Variants in GREB1 observed in about 807,000 individuals in gnomAD.
The protein encoded by GREB1 is protein GREB1.
Under a neutral mutation model 200.7 loss-of-function variants are expected in GREB1, and 106 were observed. The observed-to-expected ratio is 0.53, with a 90% CI of 0.45 to 0.62. The LOEUF is 0.62. Among genes scored for constraint, GREB1 ranks in the 20% least tolerant of loss-of-function variants. The pLI, the probability that GREB1 is intolerant of heterozygous loss-of-function variation, is 0.00. For missense variants in GREB1, 2,243 were observed against 2,556.8 expected (o/e 0.88, Z 2.65); for synonymous variants, 1,132 against 1,092.4 (o/e 1.04, Z -0.72).
At chr2:11,630,238 G>A in intron 26 of GREB1, 129 bp downstream of exon 26, 1 of 824,990 alleles carries the variant, frequency 1.2e-6, no homozygotes, top group Non-Finnish European at 1.9e-6. Context: ...GGAGGAGGCT[G>A]GTGTCGCGCA....
chr2:11,504,007 A>C (rs1673114553), intron 1 of GREB1, among the ~76,000 whole-genome samples: 2 of 152,308 alleles, frequency 1.3e-5, no homozygotes, highest in South Asian at 4.1e-4. Context: ...TAAAGTATTA[A>C]TAATAATAAC....
In GREB1 at chr2:11,497,971, CTTTTTTTTTTT is replaced by C. The variant is rs70955803; in HGVS notation, c.-159+15621_-159+15631del. Among the ~76,000 whole-genome samples, 51 of 40,614 alleles carry C rather than the reference CTTTTTTTTTTT, an allele frequency of 1.3e-3. 1 individual carries two copies. The highest frequency in any genetic ancestry group is 3.8e-3 in the African/African-American group (42 of 11,004). 26.6% of individuals were successfully genotyped at this position (40,614 alleles called of 152,430 possible). On this transcript the variant is annotated intron_variant, in intron 1 of 2. Transcript: ENST00000628795. The stretch of plus-strand genomic sequence containing the variant: ...TAACAGGGTCTTTTGCAGAGCAAAA[CTTTTTTTTTTT>C]TTTTTTTTTTTTTTTTTTTTTTTTT...
rs58233899 is a variant in GREB1 at position 11,597,243 on chromosome 2, A to T, written c.1955-538A>T. Reference sequence around the variant, plus strand: ...ACAGGACATCTTTTAGTGTCACAGTAGACCTGATACCTAATTTAAAATTCA... The same window carrying T: ...ACAGGACATCTTTTAGTGTCACAGTTGACCTGATACCTAATTTAAAATTCA... On this transcript the variant is annotated intron_variant, in intron 13 of 32. Coordinates refer to ENST00000381486, the MANE Select transcript of GREB1 (RefSeq NM_014668.4). This position sits in a 1 kb window ranked among gnomAD's most constrained non-coding sequence, Gnocchi z 4.1. Among the ~76,000 whole-genome samples, 1 of 152,112 alleles carries T rather than the reference A, an allele frequency of 6.6e-6. No homozygotes were observed. Among genetic ancestry groups the T allele is most frequent in the South Asian group, 2.1e-4 (1 of 4,834 alleles).
intron 10 of GREB1, among the ~76,000 whole-genome samples, chr2:11,589,379 G>T (rs971584053): frequency 2.6e-5 from 4 of 152,186 alleles, no homozygotes; most frequent in African/African-American, 9.7e-5. Context: ...GCCTTGTGAT[G>T]ATCTGAGGAA....
intron 23 of GREB1, among the ~76,000 whole-genome samples, chr2:11,624,493 C>T (rs548160037): frequency 6.1e-4 from 93 of 151,910 alleles, no homozygotes; most frequent in Admixed American, 3.3e-4. Flanking sequence ...TACAGGTGCC[C>T]GCCACCATGC....
chr2:11,596,227 C>T lies in GREB1; in HGVS notation c.1942C>T (p.Pro648Ser). 4.3e-6 allele frequency: 7 copies of T among 1,613,610 alleles called. No individual in the cohort carries two copies. Among genetic ancestry groups the T allele is most frequent in the Non-Finnish European group, 5.9e-6 (7 of 1,179,698 alleles). ...AGCATCCCTGGATGTCAGTGGGACA[C>T]CGGTGTGCACAAGTGAGTGGTGAAA... ...KAASLDVSGT[P>S]VCTSYNLEPH... Residue 648 changes from proline (P) to serine (S), a missense_variant, in exon 13 of 33, where the codon CCG becomes TCG. Pro to Ser is a moderately conservative substitution (Grantham distance 74, BLOSUM62 -1). This residue lies in a region of GREB1 where 1,178 missense variants were observed against 1,387.4 expected (regional missense o/e 0.85). Coordinates refer to ENST00000381486, the MANE Select transcript of GREB1 (RefSeq NM_014668.4).
intron 1 of GREB1, among the ~76,000 whole-genome samples, chr2:11,549,969 A>G (rs1675647750): frequency 6.6e-6 from 1 of 152,202 alleles, no homozygotes; most frequent in South Asian, 2.1e-4. Flanking sequence ...CTGTAATCCC[A>G]GCACTTTGGG....
rs1483871537 is a variant in GREB1 at position 11,642,160 on chromosome 2, G to A, written c.*1706G>A. ...GACGGAGTTTCACTCTTGCTGCCCA[G>A]GCTGGAGTGCAATGGTGCAATGACC... is the stretch of plus-strand genomic sequence containing the variant. On this transcript the variant is annotated 3_prime_UTR_variant, in exon 33 of 33. Transcript: ENST00000381486. The A allele has an allele frequency of 2.6e-5, 4 of 151,928 alleles. No homozygotes were observed. The allele number at this position is 151,928 out of a possible 1,614,324, so 9.4% of individuals were successfully genotyped here.
At position 11,585,369 on chromosome 2, in the gene GREB1, C is replaced by T. The variant is rs75159545; in HGVS notation, c.1015+95C>T. On this transcript the variant is annotated intron_variant, in intron 8 of 32. Coordinates refer to ENST00000381486, the MANE Select transcript of GREB1 (RefSeq NM_014668.4). Reference sequence around the variant, plus strand: ...GTATGTGTGCGTGTGTGCGTGCGCACGAGTGTGAATGTGCGTGTGTACTGA... The same window carrying T: ...GTATGTGTGCGTGTGTGCGTGCGCATGAGTGTGAATGTGCGTGTGTACTGA... 13,287 of 743,270 alleles carry T rather than the reference C, an allele frequency of 0.018. 1,187 individuals carry two copies. The African/African-American group carries it at 0.2, about 11-fold the overall frequency. 46.0% of individuals were successfully genotyped at this position (743,270 alleles called of 1,614,324 possible).
chr2:11,506,052 C>A (rs946159166), intron 1 of GREB1, among the ~76,000 whole-genome samples: 5 of 152,136 alleles, frequency 3.3e-5, no homozygotes, highest in African/African-American at 4.8e-5. Flanking sequence ...GTATCAAAGC[C>A]TGTTGCGTTT....
intron 4 of GREB1, among the ~76,000 whole-genome samples, chr2:11,573,716 T>A (rs1250898417): frequency 1.3e-5 from 2 of 152,214 alleles, no homozygotes; most frequent in Non-Finnish European, 2.9e-5. Context: ...GTTTGCTTGC[T>A]GAGTCCCTAA....
chr2:11,535,243 C>G (rs970958902), intron 1 of GREB1, among the ~76,000 whole-genome samples: 4 of 152,188 alleles, frequency 2.6e-5, no homozygotes, highest in Admixed American at 6.5e-5. Flanking sequence ...TTGGTCCCCC[C>G]AGGTATGCAC....
At chr2:11,607,456 GTGTGTATA>G (rs1206993103) in intron 17 of GREB1, among the ~76,000 whole-genome samples, 62 of 49,484 alleles carry the variant, frequency 1.3e-3, no homozygotes, top group Non-Finnish European at 1.4e-3. Context: ...GTGTGTGTGT[GTGTGTATA>G]TATATATACA....
intron 2 of GREB1, among the ~76,000 whole-genome samples, chr2:11,558,238 G>A (rs992436507): frequency 6.6e-6 from 1 of 152,194 alleles, no homozygotes; most frequent in Admixed American, 6.5e-5. Flanking sequence ...TAGACTCAGG[G>A]CTGCCCACAG....
intron 24 of GREB1, 79 bp from the exon 25 acceptor site, chr2:11,626,883 T>C (rs549118416): frequency 1.0e-3 from 1,474 of 1,448,106 alleles, no homozygotes; most frequent in Non-Finnish European, 1.3e-3. Flanking sequence ...TTGAGCATTT[T>C]TGGTTTCTGT....
intron 20 of GREB1, 27 bp downstream of exon 20, chr2:11,615,317 T>G (rs2252958): frequency 0.82 from 1,258,229 of 1,541,762 alleles, 515,376 homozygotes; most frequent in East Asian, 0.97. Context: ...CTCAGCCTAC[T>G]TGTCCCTGTC....
chr2:11,615,265 C>T lies in GREB1; in HGVS notation c.3297C>T (p.Asn1099=), dbSNP rs201381680. ...SDAEKLSSTD[N]EDEELGTEGS... ...CTGAGAAGCTGAGCAGCACAGACAA[C>T]GAGGATGAGGAGCTGGGGACAGAAG... The change falls in exon 20 of 33, where the codon AAC becomes AAT. Residue 1099 remains asparagine (N), a synonymous_variant. Transcript: ENST00000381486. 99 of 1,600,408 alleles carry T rather than the reference C, an allele frequency of 6.2e-5. No individual in the cohort carries two copies. The highest frequency in any genetic ancestry group is 4.0e-4 in the Admixed American group (23 of 57,452).
chr2:11,579,890 A>C (rs1282095454), intron 6 of GREB1, among the ~76,000 whole-genome samples: 1 of 152,126 alleles, frequency 6.6e-6, no homozygotes, highest in Admixed American at 6.5e-5. Context: ...GCTCTCCTGG[A>C]CTCCAGATGT....
intron 1 of GREB1, among the ~76,000 whole-genome samples, chr2:11,526,159 G>T (rs1673867560): frequency 6.6e-6 from 1 of 152,190 alleles, no homozygotes; most frequent in East Asian, 1.9e-4. Flanking sequence ...TTTATGAATG[G>T]TCTTAAACAT....
Sources: allele counts gnomAD v4.1 joint callset (sites outside exome capture counted in the v4.1 genomes callset), GRCh38; gene constraint gnomAD v4.1.1; regional missense constraint gnomAD v4.1.1; non-coding constraint Gnocchi (gnomAD v3.1); transcripts MANE v1.5; gene names NCBI Gene and HGNC (gene_info 2026-07-23, HGNC 2026-07-21).